Variants in MBD5 observed in about 807,000 individuals in gnomAD.
The protein encoded by MBD5 is methyl-CpG binding domain protein 5, also known as methyl-CpG-binding domain protein 5.
In MBD5, 13 loss-of-function variants were observed where a neutral mutation model predicts 117.3. The ratio of observed to expected loss-of-function variants is 0.11; its 90% CI spans 0.07 to 0.18. The LOEUF (loss-of-function observed/expected upper bound fraction) is 0.18, where lower values mean the gene tolerates loss of function less well. MBD5 is among the 10% of genes least tolerant of loss of function. The pLI, the probability that MBD5 is intolerant of heterozygous loss-of-function variation, is 1.00. For synonymous variants in MBD5, 727 were observed against 766.4 expected (o/e 0.95, Z 0.85); for missense variants, 1,879 against 2,093.8 (o/e 0.90, Z 2.00).
intron 3 of MBD5, among the ~76,000 whole-genome samples, chr2:148,239,033 T>TACAC (rs1700154364): frequency 2.4e-5 from 3 of 122,772 alleles, no homozygotes; most frequent in African/African-American, 6.0e-5. Flanking sequence ...CACACACACG[T>TACAC]GTGTGTGTAT....
intron 9 of MBD5, among the ~76,000 whole-genome samples, chr2:148,484,528 T>C (rs1404124393): frequency 6.6e-6 from 1 of 152,222 alleles, no homozygotes; most frequent in Non-Finnish European, 1.5e-5. Flanking sequence ...TATGAGCAGC[T>C]GCACTGTGGA....
Position 148,490,499 on chromosome 2 carries a change from T to C in MBD5, c.4867T>C (p.Trp1623Arg). ...PRTFNVGDLV[W>R]GQIKGLTSWP... ...GACGTTCAATGTTGGCGACTTGGTC[T>C]GGGGCCAAATCAAAGGACTGACTTC... is the stretch of plus-strand genomic sequence containing the variant. The change falls in exon 11 of 14, where the codon TGG becomes CGG. Residue 1623 changes from tryptophan to arginine, a missense_variant. By Grantham distance (101) the Trp-to-Arg change is moderately radical (BLOSUM62 -3). Transcript: ENST00000642680. 6.2e-7 allele frequency: 1 copy of C among 1,614,226 alleles called. No homozygotes were observed. The highest frequency in any genetic ancestry group is 8.5e-7 in the Non-Finnish European group (1 of 1,180,050).
At chr2:148,367,828 A>G (rs1242746885) in intron 4 of MBD5, among the ~76,000 whole-genome samples, 1 of 152,208 alleles carries the variant, frequency 6.6e-6, no homozygotes, top group Non-Finnish European at 1.5e-5. Flanking sequence ...TCAGGAAACA[A>G]CAGATTCTGA....
At chr2:148,034,249 G>A (rs1237792116) in intron 1 of MBD5, among the ~76,000 whole-genome samples, 5 of 152,290 alleles carry the variant, frequency 3.3e-5, no homozygotes, top group Middle Eastern at 6.8e-3. Flanking sequence ...ATAATTCTAA[G>A]AGGTCAGTGT....
chr2:148,502,177 AT>A (rs1681892765), intron 11 of MBD5, among the ~76,000 whole-genome samples: 1 of 152,186 alleles, frequency 6.6e-6, no homozygotes, highest in Non-Finnish European at 1.5e-5. Flanking sequence ...TAAATTCCAG[AT>A]TTTATTCCCA....
chr2:148,451,069 C>T (rs1297610560), intron 4 of MBD5, among the ~76,000 whole-genome samples: 2 of 152,102 alleles, frequency 1.3e-5, no homozygotes, highest in African/African-American at 2.4e-5. Context: ...CTGCAGTGAA[C>T]GGTCAAGGAC....
intron 5 of MBD5, 61 bp downstream of exon 5, chr2:148,458,932 A>G: frequency 7.5e-7 from 1 of 1,336,662 alleles, no homozygotes; most frequent in Non-Finnish European, 1.1e-6. Context: ...TAAGGAGAGA[A>G]CCAAGCATGG....
intron 1 of MBD5, among the ~76,000 whole-genome samples, chr2:148,145,082 A>G (rs997624515): frequency 1.3e-5 from 2 of 152,240 alleles, no homozygotes; most frequent in African/African-American, 2.4e-5. Flanking sequence ...ATTCATGAGC[A>G]TGGAATGTTC....
At chr2:148,429,431 A>T (rs1705913988) in intron 4 of MBD5, among the ~76,000 whole-genome samples, 1 of 152,136 alleles carries the variant, frequency 6.6e-6, no homozygotes, top group Non-Finnish European at 1.5e-5. Context: ...TGTGGAAGAG[A>T]GTGTGGCAAT....
At chr2:148,425,056 G>A (rs1388126566) in intron 4 of MBD5, among the ~76,000 whole-genome samples, 1 of 152,100 alleles carries the variant, frequency 6.6e-6, no homozygotes, top group Admixed American at 6.5e-5. Flanking sequence ...GAAAGACATA[G>A]AGACGCGAAA....
chr2:148,469,913 G>A lies in MBD5; in HGVS notation c.1970G>A (p.Arg657Gln), dbSNP rs115117043. The A allele has an allele frequency of 6.2e-6, 10 of 1,613,890 alleles. No individual in the cohort carries two copies. Among genetic ancestry groups the A allele is most frequent in the East Asian group, 4.5e-5 (2 of 44,876 alleles). Residue 657 changes from arginine to glutamine, a missense_variant, in exon 8 of 14, where the codon CGG (arginine) becomes CAG (glutamine). Arg to Gln is a conservative substitution (Grantham distance 43). Transcript: ENST00000642680. The stretch of plus-strand genomic sequence containing the variant: ...ATGTCTCAGCAAAAAGACGCATTGC[G>A]GAAAAGAAAACAACCACCTACGACA... Reference protein sequence around the residue: ...KLMSQQKDALRKRKQPPTTVL... With the variant: ...KLMSQQKDALQKRKQPPTTVL...
At chr2:148,435,047 A>C (rs1406062531) in intron 4 of MBD5, among the ~76,000 whole-genome samples, 1 of 152,112 alleles carries the variant, frequency 6.6e-6, no homozygotes, top group Non-Finnish European at 1.5e-5. Flanking sequence ...TTATTGGTTT[A>C]AAATCTGTTT....
chr2:148,037,145 C>A (rs1444125017), intron 1 of MBD5, among the ~76,000 whole-genome samples: 1 of 151,846 alleles, frequency 6.6e-6, no homozygotes, highest in Non-Finnish European at 1.5e-5. Flanking sequence ...CTAAAAATTG[C>A]AAACACTTAA....
At chr2:148,465,752 G>T (rs970278681) in intron 7 of MBD5, among the ~76,000 whole-genome samples, 1 of 152,166 alleles carries the variant, frequency 6.6e-6, no homozygotes, top group Non-Finnish European at 1.5e-5. Flanking sequence ...AAGAACAGTT[G>T]CCATGTCATG....
At chr2:148,093,719 T>C (rs1168584771) in intron 1 of MBD5, among the ~76,000 whole-genome samples, 8 of 152,154 alleles carry the variant, frequency 5.3e-5, no homozygotes, top group Non-Finnish European at 2.9e-5. Flanking sequence ...ATTTAAATAT[T>C]CAGATATTGA....
At chr2:148,074,686 T>C (rs1246960273) in intron 1 of MBD5, among the ~76,000 whole-genome samples, 1 of 152,016 alleles carries the variant, frequency 6.6e-6, no homozygotes, top group Non-Finnish European at 1.5e-5. Flanking sequence ...GTATTTTTAG[T>C]AGAGACGGGG....
chr2:148,171,582 C>T (rs1043273200), intron 1 of MBD5, among the ~76,000 whole-genome samples: 1 of 152,150 alleles, frequency 6.6e-6, no homozygotes, highest in East Asian at 1.9e-4. Context: ...CCACTGTTAC[C>T]TCTCTTTCTC....
At chr2:148,165,246 G>A (rs1157955227) in intron 1 of MBD5, among the ~76,000 whole-genome samples, 1 of 152,014 alleles carries the variant, frequency 6.6e-6, no homozygotes, top group Non-Finnish European at 1.5e-5. Flanking sequence ...TTGAATTACA[G>A]ATGTTAGACA....
At chr2:148,170,449 A>G (rs554263665) in intron 1 of MBD5, among the ~76,000 whole-genome samples, 2 of 152,338 alleles carry the variant, frequency 1.3e-5, no homozygotes, top group East Asian at 3.9e-4. Context: ...TAAACAGCAA[A>G]TATAAGCTAA....
Sources: gnomAD v4.1 joint callset for allele counts (sites outside exome capture counted in the v4.1 genomes callset) on GRCh38, gnomAD v4.1.1 for gene constraint, MANE v1.5 for transcripts, NCBI Gene and HGNC (gene_info 2026-07-23, HGNC 2026-07-21) for gene names.